The following SPATA22 variants were observed in gnomAD, a reference collection of about 807,000 sequenced individuals.
SPATA22 encodes the protein spermatogenesis associated 22, also known as spermatogenesis-associated protein 22.
Under a neutral mutation model 47.8 loss-of-function variants are expected in SPATA22, and 29 were observed. The observed-to-expected ratio is 0.61, with a 90% confidence interval of 0.45 to 0.83. SPATA22 has a LOEUF of 0.83. Ranked by LOEUF, SPATA22 falls within the 40% of genes least tolerant of loss-of-function variation. The probability of loss-of-function intolerance (pLI) is 0.00; values close to 1 mark genes in which losing one functional copy is unlikely to be tolerated. For synonymous variants in SPATA22, 133 were observed against 140.9 expected (o/e 0.94, Z 0.40); for missense variants, 410 against 421.7 (o/e 0.97, Z 0.24).
chr17:3,504,811 G>A (rs1230166439), intron 1 of SPATA22, among the ~76,000 whole-genome samples: 1 of 152,052 alleles, frequency 6.6e-6, no homozygotes, highest in Non-Finnish European at 1.5e-5. Context: ...CACCCACCTC[G>A]GCCTCCAAGA....
At chr17:3,477,426 T>TC (rs1047405362) in intron 1 of SPATA22, among the ~76,000 whole-genome samples, 2 of 152,174 alleles carry the variant, frequency 1.3e-5, no homozygotes, top group African/African-American at 2.4e-5. Context: ...ATAATATGAC[T>TC]CCACATATTT....
chr17:3,494,384 T>C, intron 1 of SPATA22: 2 of 1,613,006 alleles, frequency 1.2e-6, no homozygotes, highest in Non-Finnish European at 1.7e-6. Context: ...TTGAGGTCTA[T>C]AAAATTATAG....
At chr17:3,492,651 C>T (rs771401077) in intron 1 of SPATA22, among the ~76,000 whole-genome samples, 3 of 152,166 alleles carry the variant, frequency 2.0e-5, no homozygotes, top group South Asian at 2.1e-4. Context: ...AAACCCTGTA[C>T]GTGTACCATT....
chr17:3,464,109 TGCCTGCGATTGCA>T, intron 3 of SPATA22, among the ~76,000 whole-genome samples: 1 of 152,068 alleles, frequency 6.6e-6, no homozygotes. Context: ...CCCTGCCGAG[TGCCTGCGATTGCA>T]GGCGCGCGCC....
At chr17:3,468,199 C>T (rs1025180660) in intron 2 of SPATA22, 1 of 152,134 alleles carries the variant, frequency 6.6e-6, no homozygotes, top group African/African-American at 2.4e-5. Flanking sequence ...AGAATAAATA[C>T]TACTACCGAT....
upstream of SPATA22, chr17:3,475,438 ATAAG>A (rs888384819): frequency 2.6e-5 from 4 of 152,356 alleles, no homozygotes; most frequent in African/African-American, 9.6e-5. Context: ...AGGAAGATTC[ATAAG>A]TAAGTTAACA....
At chr17:3,512,654 A>C (rs2074128610) in intron 1 of SPATA22, 1 of 152,120 alleles carries the variant, frequency 6.6e-6, no homozygotes, top group Admixed American at 6.6e-5. Flanking sequence ...AGTCACCTGG[A>C]AAATCCTTCC....
In SPATA22 at chr17:3,490,869, C is replaced by T. The variant is rs922951025; in HGVS notation, c.-73-21471G>A. Reference sequence around the variant, plus strand: ...TCCTGGAACACCCCACCCCTTAACCCCTTATCTCTGCTTCAACCAGAGCTC... The same window carrying T: ...TCCTGGAACACCCCACCCCTTAACCTCTTATCTCTGCTTCAACCAGAGCTC... On this transcript the variant is annotated intron_variant, in intron 1 of 8. Transcript: ENST00000541913. This position sits in a 1 kb window ranked among gnomAD's most constrained non-coding sequence, Gnocchi z 4.6. 6.6e-6 allele frequency among the ~76,000 whole-genome samples: 1 copy of T among 152,160 alleles called. No homozygotes were observed. The highest frequency in any genetic ancestry group is 2.1e-4 in the South Asian group (1 of 4,828).
intron 8 of SPATA22, among the ~76,000 whole-genome samples, 186 bp downstream of exon 8, chr17:3,442,988 C>G (rs2072630835): frequency 6.6e-6 from 1 of 151,836 alleles, no homozygotes; most frequent in African/African-American, 2.4e-5. Flanking sequence ...TCCCTCAAAC[C>G]CAGCACAGTA....
chr17:3,476,212 G>C, upstream of SPATA22: 1 of 1,614,070 alleles, frequency 6.2e-7, no homozygotes, highest in South Asian at 1.1e-5. Context: ...GCTATCTTTG[G>C]AGGAACCCAT....
chr17:3,449,365 G>A (rs1185205847), intron 5 of SPATA22, among the ~76,000 whole-genome samples: 1 of 152,060 alleles, frequency 6.6e-6, no homozygotes, highest in Non-Finnish European at 1.5e-5. Context: ...GAATTAACTT[G>A]TCCAAAGTCA....
At chr17:3,504,529 G>GA (rs55996481) in intron 1 of SPATA22, among the ~76,000 whole-genome samples, 129,290 of 143,606 alleles carry the variant, frequency 0.9, 58,948 homozygotes, top group Non-Finnish European at 0.98. Context: ...AAATCCATGG[G>GA]AAAAAAAAAA....
At chr17:3,497,497 T>A (rs891484804) in intron 1 of SPATA22, among the ~76,000 whole-genome samples, 1 of 152,102 alleles carries the variant, frequency 6.6e-6, no homozygotes, top group Non-Finnish European at 1.5e-5. Context: ...CACACAAAAA[T>A]GAGCGAATTT....
At chr17:3,508,236 A>T (rs1389752664) in intron 1 of SPATA22, among the ~76,000 whole-genome samples, 1 of 151,870 alleles carries the variant, frequency 6.6e-6, no homozygotes, top group Non-Finnish European at 1.5e-5. Flanking sequence ...CAATCATTAA[A>T]AAGTCAGGAA....
Position 3,446,402 on chromosome 17 carries a change from G to C in SPATA22, c.802+70C>G, listed in dbSNP as rs188144867. 6.4e-3 allele frequency: 9,342 copies of C among 1,455,992 alleles called. 49 individuals carry two copies. Among genetic ancestry groups the C allele is most frequent in the Non-Finnish European group, 7.4e-3 (7,970 of 1,075,986 alleles). The allele number at this position is 1,455,992 out of a possible 1,614,324, so 90.2% of individuals were successfully genotyped here. A position where few individuals can be genotyped will look rare whatever the true frequency, so the allele number is the denominator to read the frequency against. On this transcript the variant is annotated intron_variant, in intron 7 of 8. Transcript: ENST00000572969. ...CAGACTGTTTTATTTGGAAGAAAAA[G>C]GACTAATCAGACATTAAAACCTGTC...
intron 1 of SPATA22, among the ~76,000 whole-genome samples, chr17:3,510,200 T>A (rs557876596): frequency 1.4e-4 from 22 of 152,318 alleles, no homozygotes; most frequent in African/African-American, 5.3e-4. Context: ...ACCACTGACA[T>A]TATGTGGCTG....
intron 1 of SPATA22, among the ~76,000 whole-genome samples, chr17:3,487,477 G>C (rs1233077858): frequency 2.0e-5 from 3 of 152,178 alleles, no homozygotes; most frequent in African/African-American, 7.2e-5. Flanking sequence ...TTCTGGCTAA[G>C]AGTAGCATTG....
intron 5 of SPATA22, among the ~76,000 whole-genome samples, chr17:3,461,628 C>G (rs2073127272): frequency 6.6e-6 from 1 of 151,886 alleles, no homozygotes. Context: ...ATAATAAAAT[C>G]AAAACTAATT....
At chr17:3,463,951 G>C (rs144229941) in intron 3 of SPATA22, among the ~76,000 whole-genome samples, 1,991 of 38,526 alleles carry the variant, frequency 0.052, 56 homozygotes, top group South Asian at 0.076. Flanking sequence ...CTCTCCCTCT[G>C]CCTCTCCCTC....
Sources: allele counts gnomAD v4.1 joint callset (sites outside exome capture counted in the v4.1 genomes callset), GRCh38; gene constraint gnomAD v4.1.1; non-coding constraint Gnocchi (gnomAD v3.1); transcripts MANE v1.5; gene names NCBI Gene and HGNC (gene_info 2026-07-23, HGNC 2026-07-21).